Variants in PRKX observed in about 807,000 individuals in gnomAD.
PRKX encodes cAMP-dependent protein kinase catalytic subunit PRKX.
In PRKX, 12 loss-of-function variants were observed where a neutral mutation model predicts 22.0. The ratio of observed to expected loss-of-function variants is 0.54; its 90% CI spans 0.35 to 0.88. The LOEUF (loss-of-function observed/expected upper bound fraction) is 0.88, where lower values mean the gene tolerates loss of function less well. Among genes scored for constraint, PRKX ranks in the 40% least tolerant of loss-of-function variants. The probability of loss-of-function intolerance (pLI) is 0.01; values close to 1 mark genes in which losing one functional copy is unlikely to be tolerated. For synonymous variants in PRKX, 134 were observed against 137.7 expected (o/e 0.97, Z 0.19); for missense variants, 217 against 308.0 (o/e 0.70, Z 2.21).
At chrX:3,675,826 G>A (rs184112707) in intron 1 of PRKX, among the ~76,000 whole-genome samples, 6 of 111,353 alleles carry the variant, frequency 5.4e-5, no homozygotes, top group Admixed American at 4.8e-4. Flanking sequence ...TTAATGGAAC[G>A]AATAGTGCAG....
chrX:3,709,960 A>AT (rs933191483), intron 1 of PRKX, among the ~76,000 whole-genome samples: 2 of 108,041 alleles, frequency 1.9e-5, no homozygotes, highest in African/African-American at 3.4e-5. Flanking sequence ...TATTACTACT[A>AT]TTTTTTTTAA....
intron 3 of PRKX, among the ~76,000 whole-genome samples, chrX:3,653,525 CTGTG>C (rs1317524369): frequency 2.9e-5 from 3 of 104,407 alleles, no homozygotes; most frequent in Non-Finnish European, 5.8e-5. Flanking sequence ...TGGGGTATGT[CTGTG>C]TGTTTCCAGA....
At chrX:3,697,832 T>C (rs780587578) in intron 1 of PRKX, among the ~76,000 whole-genome samples, 47 of 112,198 alleles carry the variant, frequency 4.2e-4, no homozygotes, top group African/African-American at 1.5e-3. Context: ...ATGACAGGCA[T>C]GGGCAACCGC....
At chrX:3,621,200 G>A in intron 6 of PRKX, 59 bp downstream of exon 6, 1 of 1,059,757 alleles carries the variant, frequency 9.4e-7, no homozygotes. Context: ...CAATGTGGGT[G>A]TTAGACGGCA....
intron 1 of PRKX, among the ~76,000 whole-genome samples, chrX:3,688,488 C>G (rs1444040416): frequency 9.7e-6 from 1 of 103,388 alleles, no homozygotes; most frequent in Non-Finnish European, 2.0e-5. Context: ...GGCACAGCCC[C>G]CATCCATCTT....
At position 3,621,329 on chromosome X, in the gene PRKX, A is replaced by G; in HGVS notation, c.816-13T>C. On this transcript the variant is annotated splice_polypyrimidine_tract_variant and intron_variant, in intron 5 of 8. Transcript: ENST00000262848. Reference sequence around the variant, plus strand: ...CTTAATGAGGTCTCTATGTTGGGGAAGGAGACAAAAAAAAAAAAAGTACAC... The same window carrying G: ...CTTAATGAGGTCTCTATGTTGGGGAGGGAGACAAAAAAAAAAAAAGTACAC... 8.4e-7 allele frequency: 1 copy of G among 1,186,727 alleles called. No individual in the cohort carries two copies. The highest frequency in any genetic ancestry group is 1.1e-6 in the Non-Finnish European group (1 of 878,216).
intron 4 of PRKX, among the ~76,000 whole-genome samples, chrX:3,629,270 T>A (rs1186469618): frequency 9.1e-6 from 1 of 109,957 alleles, no homozygotes; most frequent in African/African-American, 3.3e-5. Context: ...GACAGGGTCT[T>A]GCTCTGTTGC....
Position 3,713,333 on chromosome X carries a change from G to C in PRKX, c.-80C>G. 2 of 834,881 alleles carry C rather than the reference G, an allele frequency of 2.4e-6. No individual in the cohort carries two copies. Among genetic ancestry groups the C allele is most frequent in the Non-Finnish European group, 3.0e-6 (2 of 660,059 alleles). The allele number at this position is 834,881 out of a possible 1,213,427, so 68.8% of individuals were successfully genotyped here. On this transcript the variant is annotated 5_prime_UTR_variant, in exon 1 of 9. Transcript: ENST00000262848. The stretch of plus-strand genomic sequence containing the variant: ...GGCTTCCCGGGACGCAGCCTCGGAG[G>C]GCGGCGCGGCGGCGGCATCAACAGA...
chrX:3,684,507 C>A (rs1928137000), intron 1 of PRKX, among the ~76,000 whole-genome samples: 1 of 111,505 alleles, frequency 9.0e-6, no homozygotes, highest in Non-Finnish European at 1.9e-5. Context: ...AAAAAAAGTA[C>A]CTATTAATTA....
At chrX:3,704,147 G>A (rs1269188637) in intron 1 of PRKX, among the ~76,000 whole-genome samples, 1 of 111,982 alleles carries the variant, frequency 8.9e-6, no homozygotes, top group Non-Finnish European at 1.9e-5. Context: ...GCGTGAAAAC[G>A]CTCCAGAAAG....
At chrX:3,635,522 T>C (rs1330815331) in intron 4 of PRKX, among the ~76,000 whole-genome samples, 1 of 111,938 alleles carries the variant, frequency 8.9e-6, no homozygotes, top group Non-Finnish European at 1.9e-5. Context: ...AGGGGCTTTC[T>C]CTTACCCTGC....
chrX:3,644,446 A>C (rs1342410830), intron 3 of PRKX, among the ~76,000 whole-genome samples: 1 of 107,061 alleles, frequency 9.3e-6, no homozygotes, highest in African/African-American at 3.4e-5. Flanking sequence ...TGTAGCAGAT[A>C]TAAATCAGGA....
chrX:3,688,928 T>C (rs1286201791), intron 1 of PRKX, among the ~76,000 whole-genome samples: 1 of 109,740 alleles, frequency 9.1e-6, no homozygotes, highest in Non-Finnish European at 1.9e-5. Flanking sequence ...TGCTTCTATA[T>C]TGAGAAAGGA....
intron 1 of PRKX, among the ~76,000 whole-genome samples, chrX:3,689,584 G>A (rs1425151387): frequency 3.6e-5 from 4 of 111,916 alleles, no homozygotes; most frequent in East Asian, 2.8e-4. Flanking sequence ...GGAAGCTGAG[G>A]CAGGAGGATC....
At chrX:3,623,230 T>A (rs758198456) in intron 5 of PRKX, among the ~76,000 whole-genome samples, 36 of 110,039 alleles carry the variant, frequency 3.3e-4, no homozygotes, top group Non-Finnish European at 5.1e-4. Context: ...AATTTTTTTT[T>A]AAATTTTTTT....
intron 3 of PRKX, among the ~76,000 whole-genome samples, chrX:3,642,622 C>A (rs1927102871): frequency 9.1e-6 from 1 of 110,395 alleles, no homozygotes; most frequent in South Asian, 3.9e-4. Flanking sequence ...CCTAAAAGTT[C>A]TTTAAATAAA....
intron 4 of PRKX, among the ~76,000 whole-genome samples, chrX:3,634,165 G>A (rs1235616816): frequency 2.7e-5 from 3 of 110,854 alleles, no homozygotes; most frequent in Non-Finnish European, 5.7e-5. Flanking sequence ...CAGGAGAATT[G>A]CTTGAACCCA....
intron 2 of PRKX, among the ~76,000 whole-genome samples, chrX:3,674,188 G>A (rs1603474405): frequency 9.0e-6 from 1 of 110,913 alleles, no homozygotes; most frequent in African/African-American, 3.3e-5. Flanking sequence ...GAAACCCAAC[G>A]AAACCTGAAG....
At chrX:3,692,685 G>A (rs1928357936) in intron 1 of PRKX, among the ~76,000 whole-genome samples, 1 of 110,313 alleles carries the variant, frequency 9.1e-6, no homozygotes, top group Non-Finnish European at 1.9e-5. Flanking sequence ...CCACCACCAC[G>A]CCTGGCTAAT....
Sources: allele counts gnomAD v4.1 joint callset (sites outside exome capture counted in the v4.1 genomes callset), GRCh38; gene constraint gnomAD v4.1.1; transcripts MANE v1.5; gene names NCBI Gene and HGNC (gene_info 2026-07-23, HGNC 2026-07-21).